THRB: variants seen among roughly 807,000 people sequenced by gnomAD.
THRB encodes nuclear receptor subfamily 1 group A member 2.
THRB carries 12 observed loss-of-function variants against 47.8 expected under a neutral mutation model. The observed-to-expected ratio is 0.25, with a 90% CI of 0.16 to 0.41. THRB has a LOEUF of 0.41. Ranked by LOEUF, THRB falls within the 10% of genes least tolerant of loss-of-function variation. The pLI is 1.00. For missense variants in THRB, 348 were observed against 589.2 expected, an observed-to-expected ratio of 0.59 and a Z score of 4.24; for synonymous variants, 218 against 212.2, an observed-to-expected ratio of 1.03 and a Z score of -0.24.
Position 24,406,760 on chromosome 3 carries a change from C to T in THRB, c.-260-69389G>A, listed in dbSNP as rs531220458. Among the ~76,000 whole-genome samples, 14 of 151,888 alleles carry T rather than the reference C, an allele frequency of 9.2e-5. No individual in the cohort carries two copies. In the South Asian group the frequency reaches 2.7e-3, roughly 29 times the overall value. On this transcript the variant is annotated intron_variant, in intron 1 of 10. Transcript: ENST00000646209. ...AAAAATGAGATTTGGTATAAATGTA[C>T]TCCACTAAATAATAGAGAGAGACAT...
intron 2 of THRB, among the ~76,000 whole-genome samples, chr3:24,308,213 C>T (rs1229794685): frequency 6.6e-6 from 1 of 152,080 alleles, no homozygotes; most frequent in Non-Finnish European, 1.5e-5. Flanking sequence ...AAAAGAAGCT[C>T]TAGGCAGTTG....
In THRB at chr3:24,122,677, C is replaced by T. The variant is rs1040523666; in HGVS notation, c.*207G>A. On this transcript the variant is annotated 3_prime_UTR_variant, in exon 11 of 11. Transcript: ENST00000646209. ...AACCATAAAACCTTCAGAGCATTCA[C>T]ATCACAGGACCGGAGAACGAAATGC... 2 of 648,344 alleles carry T rather than the reference C, an allele frequency of 3.1e-6. No homozygotes were observed. Among genetic ancestry groups the T allele is most frequent in the Non-Finnish European group, 5.3e-6 (2 of 379,368 alleles). The allele number at this position is 648,344 out of a possible 1,614,324, so 40.2% of individuals were successfully genotyped here. A position where few individuals can be genotyped will look rare whatever the true frequency, so the allele number is the denominator to read the frequency against.
chr3:24,128,064 G>A (rs964251423), intron 9 of THRB, among the ~76,000 whole-genome samples: 1 of 152,132 alleles, frequency 6.6e-6, no homozygotes, highest in African/African-American at 2.4e-5. Flanking sequence ...CTCAGTTTGG[G>A]GGTTTGTATT....
chr3:24,249,180 G>C (rs966435079), intron 3 of THRB, among the ~76,000 whole-genome samples: 1 of 152,118 alleles, frequency 6.6e-6, no homozygotes, highest in Admixed American at 6.5e-5. Context: ...AAGGATAGTA[G>C]AGTAGAAGTC....
chr3:24,147,463 A>C (rs2036243110), intron 6 of THRB, among the ~76,000 whole-genome samples: 1 of 152,134 alleles, frequency 6.6e-6, no homozygotes, highest in East Asian at 1.9e-4. Context: ...CCCATAGCTC[A>C]TTGCATTGAG....
intron 1 of THRB, among the ~76,000 whole-genome samples, chr3:24,353,532 T>A (rs1382985923): frequency 1.3e-5 from 2 of 152,170 alleles, no homozygotes; most frequent in Admixed American, 1.3e-4. Context: ...TCATTTTTCA[T>A]GTGGTTTCTA....
intron 1 of THRB, among the ~76,000 whole-genome samples, chr3:24,470,554 T>G (rs2074486098): frequency 6.6e-6 from 1 of 152,148 alleles, no homozygotes. Flanking sequence ...CCCATAGAAA[T>G]GTTTGTTGGA....
At chr3:24,470,891 A>T (rs2074515865) in intron 1 of THRB, among the ~76,000 whole-genome samples, 1 of 152,258 alleles carries the variant, frequency 6.6e-6, no homozygotes, top group Non-Finnish European at 1.5e-5. Flanking sequence ...TGCTGGGATT[A>T]CAGGCATGAG....
At chr3:24,495,432 T>G (rs1449035268), upstream of THRB, 2 of 152,372 alleles carry the variant, frequency 1.3e-5, no homozygotes, top group Non-Finnish European at 2.9e-5. Flanking sequence ...CGACCCCGAG[T>G]CCTACGCACT....
intron 1 of THRB, among the ~76,000 whole-genome samples, chr3:24,461,945 T>A (rs2073738034): frequency 6.6e-6 from 1 of 152,160 alleles, no homozygotes; most frequent in South Asian, 2.1e-4. Flanking sequence ...TTCAATGACA[T>A]GGAATAATGT....
intron 1 of THRB, among the ~76,000 whole-genome samples, chr3:24,437,976 G>A (rs1188573946): frequency 2.0e-5 from 3 of 151,548 alleles, no homozygotes; most frequent in Non-Finnish European, 4.4e-5. Flanking sequence ...TAATATCTTA[G>A]CTGAGTAATC....
chr3:24,295,937 T>G (rs2056410864), intron 3 of THRB, among the ~76,000 whole-genome samples: 1 of 152,202 alleles, frequency 6.6e-6, no homozygotes, highest in South Asian at 2.1e-4. Flanking sequence ...CCATTTAATT[T>G]TATTTAATTT....
At chr3:24,203,266 T>C (rs2044818102) in intron 4 of THRB, among the ~76,000 whole-genome samples, 1 of 151,854 alleles carries the variant, frequency 6.6e-6, no homozygotes, top group Non-Finnish European at 1.5e-5. Flanking sequence ...TACAAAAAAT[T>C]AGCTGGGTGT....
intron 1 of THRB, among the ~76,000 whole-genome samples, chr3:24,468,319 T>C (rs1436773720): frequency 6.6e-6 from 1 of 152,232 alleles, no homozygotes. Context: ...TTCTTATCAT[T>C]CATGTGTTCA....
intron 3 of THRB, among the ~76,000 whole-genome samples, chr3:24,278,618 A>T (rs1257159917): frequency 6.6e-6 from 1 of 152,206 alleles, no homozygotes; most frequent in East Asian, 1.9e-4. Flanking sequence ...TTTAAATTGC[A>T]ACATTTGAGA....
chr3:24,453,851 C>G (rs1353302308), intron 1 of THRB, among the ~76,000 whole-genome samples: 1 of 152,116 alleles, frequency 6.6e-6, no homozygotes, highest in Non-Finnish European at 1.5e-5. Flanking sequence ...GTCTCATGGC[C>G]TTTGCACATG....
At position 24,345,955 on chromosome 3, in the gene THRB, T is replaced by C. The variant is rs190945590; in HGVS notation, c.-260-8584A>G. Among the ~76,000 whole-genome samples the C allele has an allele frequency of 2.8e-4, 42 of 152,194 alleles. No individual in the cohort carries two copies. The East Asian group carries it at 7.9e-3, about 29-fold the overall frequency. ...AATAAAGCTAATAAAGTTTGCTTTA[T>C]TTAATTAAAATTAAATAAAGTTAAT... On this transcript the variant is annotated intron_variant, in intron 1 of 10. Transcript: ENST00000646209.
At chr3:24,286,733 T>G (rs549667125) in intron 3 of THRB, among the ~76,000 whole-genome samples, 1 of 152,324 alleles carries the variant, frequency 6.6e-6, no homozygotes, top group South Asian at 2.1e-4. Context: ...AGAAATTTTA[T>G]GTCAAAGTTT....
At chr3:24,266,246 T>C (rs2052636172) in intron 3 of THRB, among the ~76,000 whole-genome samples, 1 of 152,166 alleles carries the variant, frequency 6.6e-6, no homozygotes, top group African/African-American at 2.4e-5. Context: ...AAACAAAGTG[T>C]TGCCAGGAGC....
Sources: gnomAD v4.1 joint callset for allele counts (sites outside exome capture counted in the v4.1 genomes callset) on GRCh38, gnomAD v4.1.1 for gene constraint, MANE v1.5 for transcripts, NCBI Gene and HGNC (gene_info 2026-07-23, HGNC 2026-07-21) for gene names.